ZNF692: variants seen among roughly 807,000 people sequenced by gnomAD.
ZNF692 encodes zinc finger protein 692.
ZNF692 carries 41 observed loss-of-function variants against 49.0 expected under a neutral mutation model. That is an observed-to-expected ratio of 0.84 (90% CI 0.65 to 1.08). ZNF692 has a LOEUF of 1.08. Among genes scored for constraint, ZNF692 ranks in the 50% least tolerant of loss-of-function variants. The probability of loss-of-function intolerance (pLI) is 0.00; values close to 1 mark genes in which losing one functional copy is unlikely to be tolerated. For missense variants in ZNF692, 662 were observed against 662.2 expected (o/e 1.00, Z 0.00); for synonymous variants, 288 against 251.5 (o/e 1.15, Z -1.37).
Position 248,850,763 on chromosome 1 carries a change from C to G in ZNF692, c.1172G>C (p.Cys391Ser). Reference protein sequence around the residue: ...KLHSDTRDYICEFCARSFRTS... With the variant: ...KLHSDTRDYISEFCARSFRTS... ...GCGGAAAGACCGGGCGCAGAACTCA[C>G]AGATGTAGTCCCGGGTGTCTGCAGG... Residue 391 changes from cysteine (C) to serine (S), a missense_variant, in exon 11 of 12, where the codon TGT (cysteine) becomes TCT (serine). Transcript: ENST00000306601. The G allele has an allele frequency of 6.2e-7, 1 of 1,614,102 alleles. No homozygotes were observed. The highest frequency in any genetic ancestry group is 8.5e-7 in the Non-Finnish European group (1 of 1,179,994).
chr1:248,850,286 G>C lies in ZNF692; in HGVS notation c.1484C>G (p.Pro495Arg). Reference protein sequence around the residue: ...PLEPCPSISAPGPLGSSEGSR... With the variant: ...PLEPCPSISARGPLGSSEGSR... ...CCCCTCGCTGGATCCCAGAGGCCCA[G>C]GGGCAGAGATGCTGGGACAGGGCTC... The change falls in exon 12 of 12, where the codon CCT becomes CGT. Residue 495 changes from proline (P) to arginine (R), a missense_variant. Transcript: ENST00000306601. 1 of 1,607,852 alleles carries C rather than the reference G, an allele frequency of 6.2e-7. No homozygotes were observed. Among genetic ancestry groups the C allele is most frequent in the Non-Finnish European group, 8.5e-7 (1 of 1,175,978 alleles).
chr1:248,851,562 C>T (rs1196839945), intron 10 of ZNF692, among the ~76,000 whole-genome samples: 1 of 152,084 alleles, frequency 6.6e-6, no homozygotes, highest in African/African-American at 2.4e-5. Flanking sequence ...CAAACACACA[C>T]CTGCAGCCTC....
rs377195063 is a variant in ZNF692, at chr1:248,851,715, A to T, written c.1154-934T>A. Among the ~76,000 whole-genome samples, 17 of 152,152 alleles carry T rather than the reference A, an allele frequency of 1.1e-4. No individual in the cohort carries two copies. The South Asian group carries it at 2.5e-3, about 22-fold the overall frequency. ...ACTGACCTCATCGCCCACCCTCCTC[A>T]GCCACCAGTCTCAGGTCACACCCAT... On this transcript the variant is annotated intron_variant, in intron 10 of 11. Transcript: ENST00000306601.
chr1:248,854,199 T>G (rs1193547480), intron 9 of ZNF692, 148 bp from the exon 10 acceptor site: 9 of 630,862 alleles, frequency 1.4e-5, no homozygotes, highest in Non-Finnish European at 2.3e-5. Context: ...CATGGCCTGC[T>G]CGTTTCCTTG....
chr1:248,851,676 T>C lies in ZNF692; in HGVS notation c.1154-895A>G, dbSNP rs192008566. 7.6e-4 allele frequency among the ~76,000 whole-genome samples: 116 copies of C among 152,236 alleles called. 1 individual carries two copies. The highest frequency in any genetic ancestry group is 2.6e-3 in the African/African-American group (109 of 41,532). On this transcript the variant is annotated intron_variant, in intron 10 of 11. Transcript: ENST00000306601. Reference sequence around the variant, plus strand: ...GCTGTCAATCAGCACTCCAGCCCTCTGTTCCCTCACCTCACTGACCTCATC... The same window carrying C: ...GCTGTCAATCAGCACTCCAGCCCTCCGTTCCCTCACCTCACTGACCTCATC...
chr1:248,853,447 C>T (rs973036860), intron 10 of ZNF692, among the ~76,000 whole-genome samples: 3 of 152,238 alleles, frequency 2.0e-5, no homozygotes, highest in Non-Finnish European at 2.9e-5. Context: ...GACTTCTCTT[C>T]CTTTCTCAGC....
At chr1:248,853,878 C>G (rs554567631) in intron 10 of ZNF692, 59 bp downstream of exon 10, 4 of 1,366,132 alleles carry the variant, frequency 2.9e-6, no homozygotes, top group Admixed American at 1.8e-5. Flanking sequence ...CCCAGGGTGA[C>G]GGGACCCACA....
Position 248,850,793 on chromosome 1 carries a change from T to C in ZNF692, c.1154-12A>G, listed in dbSNP as rs1470186746. ...GTAGTCCCGGGTGTCTGCAGGCATA[T>C]GAGGGACACTCCAGCATCTGCCCCC... is the stretch of plus-strand genomic sequence containing the variant. On this transcript the variant is annotated splice_polypyrimidine_tract_variant and intron_variant, in intron 10 of 11. Transcript: ENST00000306601. 2 of 1,613,562 alleles carry C rather than the reference T, an allele frequency of 1.2e-6. No individual in the cohort carries two copies. Among genetic ancestry groups the C allele is most frequent in the Admixed American group, 3.3e-5 (2 of 59,990 alleles).
chr1:248,854,520 G>GTA (rs981880834), intron 9 of ZNF692: 1 of 61,690 alleles, frequency 1.6e-5, no homozygotes, highest in African/African-American at 8.9e-5. Context: ...TTCACCATGG[G>GTA]TATATATATG....
chr1:248,851,086 G>A, intron 10 of ZNF692: 1 of 538,114 alleles, frequency 1.9e-6, no homozygotes, highest in South Asian at 1.6e-5. Flanking sequence ...CAGCCTCTAG[G>A]CTGGTTCTTT....
chr1:248,858,731 G>T lies in ZNF692; in HGVS notation c.-13+187C>A. ...AAGGTCGTGTCCTGGCGTGCAGCTG[G>T]GGGCGCTCTTCATAGTTGGGTCGAG... On this transcript the variant is annotated intron_variant, in intron 1 of 11. Transcript: ENST00000306601. This position sits in a 1 kb window ranked among gnomAD's most constrained non-coding sequence, Gnocchi z 4.3. 1.5e-6 allele frequency: 1 copy of T among 671,726 alleles called. No homozygotes were observed. The highest frequency in any genetic ancestry group is 2.3e-5 in the Admixed American group (1 of 42,840). 41.6% of individuals were successfully genotyped at this position (671,726 alleles called of 1,614,324 possible).
chr1:248,855,308 T>G, intron 9 of ZNF692, 72 bp downstream of exon 9: 1 of 1,482,728 alleles, frequency 6.7e-7, no homozygotes. Context: ...CTTAAGATCC[T>G]TTTCCTCAGT....
rs1341556656 is a variant in ZNF692, at chr1:248,856,575, C to CA, written c.476-14dup. On this transcript the variant is annotated splice_polypyrimidine_tract_variant and intron_variant, in intron 4 of 11. Coordinates refer to ENST00000306601, the MANE Select transcript of ZNF692 (RefSeq NM_017865.4). The stretch of plus-strand genomic sequence containing the variant: ...TCAGATTCCAAATCTGTGGGACAGG[C>CA]AAAGTCAAAAGAGAAGGAACTCTGG... 8 of 1,613,928 alleles carry CA rather than the reference C, an allele frequency of 5.0e-6. No individual in the cohort carries two copies. The African/African-American group carries it at 1.1e-4, about 22-fold the overall frequency.
rs11544421 is a variant in ZNF692 at position 248,858,923 on chromosome 1, C to A, written c.-18G>T. ...CACCCCCACCCCGGCCTTACCTGTGCGCCCCCACGCGCCCTCACCCCCACT... is the reference window on the plus strand; with the variant it reads ...CACCCCCACCCCGGCCTTACCTGTGAGCCCCCACGCGCCCTCACCCCCACT... On this transcript the variant is annotated 5_prime_UTR_variant, in exon 1 of 12. Transcript: ENST00000306601. The surrounding 1 kb of genome is among the most constrained non-coding windows in gnomAD (Gnocchi z 4.3). 2.5e-3 allele frequency: 577 copies of A among 230,224 alleles called. 3 individuals are homozygous for A. Among genetic ancestry groups the A allele is most frequent in the African/African-American group, 0.013 (563 of 43,780 alleles). The allele number at this position is 230,224 out of a possible 1,614,324, so 14.3% of individuals were successfully genotyped here.
Position 248,857,147 on chromosome 1 carries a change from A to G in ZNF692, c.475+87T>C, listed in dbSNP as rs529192885. 5.1e-5 allele frequency: 69 copies of G among 1,359,134 alleles called. No homozygotes were observed. The African/African-American group carries it at 8.9e-4, about 18-fold the overall frequency. 84.2% of individuals were successfully genotyped at this position (1,359,134 alleles called of 1,614,324 possible). On this transcript the variant is annotated intron_variant, in intron 4 of 11. Transcript: ENST00000306601. The stretch of plus-strand genomic sequence containing the variant: ...AGAGTTTTTCCATTGAAAAAGGATC[A>G]TTTTTAGAGAACAGGGTTCTGAGCT...
At position 248,858,267 on chromosome 1, in the gene ZNF692, C is replaced by T; in HGVS notation, c.43G>A (p.Glu15Lys). ...CGCGCGTCCAGCTGCCGCCGCTTCTCCCGCCGCCTGCAGGACACGTCCACC... is the reference window on the plus strand; with the variant it reads ...CGCGCGTCCAGCTGCCGCCGCTTCTTCCGCCGCCTGCAGGACACGTCCACC... Reference protein sequence around the residue: ...PAVDVSCRRREKRRQLDARRS... With the variant: ...PAVDVSCRRRKKRRQLDARRS... The change falls in exon 2 of 12, where the codon GAG becomes AAG. Residue 15 changes from glutamate (E) to lysine (K), a missense_variant. Glu to Lys is a moderately conservative substitution (Grantham distance 56). Coordinates refer to ENST00000306601, the MANE Select transcript of ZNF692 (RefSeq NM_017865.4). The surrounding 1 kb of genome is among the most constrained non-coding windows in gnomAD (Gnocchi z 4.3). The T allele has an allele frequency of 1.3e-6, 2 of 1,583,116 alleles. No homozygotes were observed. Among genetic ancestry groups the T allele is most frequent in the Non-Finnish European group, 8.6e-7 (1 of 1,163,582 alleles).
In ZNF692 at chr1:248,855,647, A is replaced by T; in HGVS notation, c.882-12T>A. The T allele has an allele frequency of 1.2e-6, 2 of 1,614,198 alleles. No individual in the cohort carries two copies. Among genetic ancestry groups the T allele is most frequent in the Non-Finnish European group, 1.7e-6 (2 of 1,180,030 alleles). ...CCTGACTCCCAGTGCTACGGGCAGCAAAGAGGGAGCAGAGGGCCTCGAGGG... is the reference window on the plus strand; with the variant it reads ...CCTGACTCCCAGTGCTACGGGCAGCTAAGAGGGAGCAGAGGGCCTCGAGGG... On this transcript the variant is annotated splice_polypyrimidine_tract_variant and intron_variant, in intron 7 of 11. Transcript: ENST00000306601.
rs939547777 is a variant in ZNF692, at chr1:248,858,772, G to T, written c.-13+146C>A. 3.3e-6 allele frequency: 2 copies of T among 609,248 alleles called. No individual in the cohort carries two copies. Among genetic ancestry groups the T allele is most frequent in the Non-Finnish European group, 5.9e-6 (2 of 341,446 alleles). 37.7% of individuals were successfully genotyped at this position (609,248 alleles called of 1,614,324 possible). A position where few individuals can be genotyped will look rare whatever the true frequency, so the allele number is the denominator to read the frequency against. On this transcript the variant is annotated intron_variant, in intron 1 of 11. Coordinates refer to ENST00000306601, the MANE Select transcript of ZNF692 (RefSeq NM_017865.4). The surrounding 1 kb of genome is among the most constrained non-coding windows in gnomAD (Gnocchi z 4.3). The stretch of plus-strand genomic sequence containing the variant: ...TTGGGTCGAGTGGCGGTGAGGCCGT[G>T]GTCAGAGGTCTGGAGGGCGCCCCCC...
At chr1:248,855,340 C>A (rs534301794) in intron 9 of ZNF692, 40 bp downstream of exon 9, 26 of 1,604,658 alleles carry the variant, frequency 1.6e-5, no homozygotes, top group South Asian at 7.7e-5. Context: ...CCCTTTCCCC[C>A]ACCCCAGCAG....
Sources: gnomAD v4.1 joint callset for allele counts (sites outside exome capture counted in the v4.1 genomes callset) on GRCh38, gnomAD v4.1.1 for gene constraint, Gnocchi (gnomAD v3.1) non-coding constraint, MANE v1.5 for transcripts, NCBI Gene and HGNC (gene_info 2026-07-23, HGNC 2026-07-21) for gene names.